The following ADGRE5 variants were observed in gnomAD, a reference collection of about 807,000 sequenced individuals.
ADGRE5 encodes the protein adhesion G protein-coupled receptor E5.
In ADGRE5, 72 loss-of-function variants were observed where a neutral mutation model predicts 100.3. The ratio of observed to expected loss-of-function variants is 0.72; its 90% CI spans 0.59 to 0.87. The LOEUF is 0.87. Ranked by LOEUF, ADGRE5 falls within the 40% of genes least tolerant of loss-of-function variation. ADGRE5 has a pLI of 0.00. For synonymous variants in ADGRE5, 439 were observed against 447.8 expected (o/e 0.98, Z 0.25); for missense variants, 959 against 1,094.7 (o/e 0.88, Z 1.75).
intron 11 of ADGRE5, among the ~76,000 whole-genome samples, chr19:14,402,268 C>G (rs1424002302): frequency 6.6e-6 from 1 of 152,012 alleles, no homozygotes; most frequent in Non-Finnish European, 1.5e-5. Context: ...AACCCCATCT[C>G]TACTAAAAAT....
At chr19:14,387,620 C>T (rs1162752900) in intron 1 of ADGRE5, among the ~76,000 whole-genome samples, 1 of 151,168 alleles carries the variant, frequency 6.6e-6, no homozygotes, top group Admixed American at 6.6e-5. Flanking sequence ...CCCAGCTACT[C>T]GGGAGGCTGA....
chr19:14,408,155 G>A lies in ADGRE5; in HGVS notation c.*34G>A, dbSNP rs2146381770. The A allele has an allele frequency of 6.2e-7, 1 of 1,610,474 alleles. No individual in the cohort carries two copies. The highest frequency in any genetic ancestry group is 8.5e-7 in the Non-Finnish European group (1 of 1,178,652). ...GGTTCTGGACGGCCCAGCAGCTCCT[G>A]TGGCCACAGCAGCTTTGTACACGAA... On this transcript the variant is annotated 3_prime_UTR_variant, in exon 20 of 20. Transcript: ENST00000242786.
In ADGRE5 at chr19:14,396,328, C is replaced by T. The variant is rs1568312796; in HGVS notation, c.347-14C>T. ...CAGCTACGGGCATCCTTCACCCTCT[C>T]CTTCCTCTTGCAGATGTGGACGAAT... On this transcript the variant is annotated splice_polypyrimidine_tract_variant and intron_variant, in intron 4 of 19. Coordinates refer to ENST00000242786, the MANE Select transcript of ADGRE5 (RefSeq NM_078481.4). The T allele has an allele frequency of 1.2e-6, 2 of 1,614,280 alleles. No individual in the cohort carries two copies. The highest frequency in any genetic ancestry group is 1.7e-6 in the Non-Finnish European group (2 of 1,180,052).
At chr19:14,403,520 T>A (rs776367804) in intron 12 of ADGRE5, among the ~76,000 whole-genome samples, 18 of 152,090 alleles carry the variant, frequency 1.2e-4, no homozygotes, top group Admixed American at 1.0e-3. Context: ...TCCCAGCTAA[T>A]TTTTTTATTT....
intron 4 of ADGRE5, among the ~76,000 whole-genome samples, chr19:14,392,515 TA>T (rs1975636424): frequency 6.6e-6 from 1 of 152,178 alleles, no homozygotes; most frequent in Non-Finnish European, 1.5e-5. Flanking sequence ...TGACTTTTGT[TA>T]AATATAGACC....
At position 14,396,518 on chromosome 19, in the gene ADGRE5, G is replaced by C. The variant is rs1483190923; in HGVS notation, c.478+45G>C. On this transcript the variant is annotated intron_variant, in intron 5 of 19. Transcript: ENST00000242786. Reference sequence around the variant, plus strand: ...GCCGTGAGGCTGGACGGGAGCTGGGGATGGAGCTGAGGCACGTCCTCCAAA... The same window carrying C: ...GCCGTGAGGCTGGACGGGAGCTGGGCATGGAGCTGAGGCACGTCCTCCAAA... 1.9e-6 allele frequency: 3 copies of C among 1,612,728 alleles called. No individual in the cohort carries two copies. The East Asian group carries it at 6.7e-5, about 36-fold the overall frequency.
At chr19:14,392,045 A>C (rs996237424) in intron 4 of ADGRE5, among the ~76,000 whole-genome samples, 2 of 147,028 alleles carry the variant, frequency 1.4e-5, no homozygotes, top group African/African-American at 5.0e-5. Context: ...CAGAGGTTGC[A>C]GTGAGCCAAG....
intron 2 of ADGRE5, 97 bp downstream of exon 2, chr19:14,388,597 G>A: frequency 6.2e-7 from 1 of 1,605,844 alleles, no homozygotes; most frequent in East Asian, 2.2e-5. Context: ...GGAAAGAGAG[G>A]GCTCGCGCAC....
chr19:14,386,496 A>G (rs1198385522), intron 1 of ADGRE5: 3 of 149,312 alleles, frequency 2.0e-5, no homozygotes, highest in African/African-American at 7.4e-5. Context: ...CAAGACTACC[A>G]TCCTGGCTAA....
Position 14,408,271 on chromosome 19 carries a change from T to C in ADGRE5, c.*150T>C. 1 of 890,476 alleles carries C rather than the reference T, an allele frequency of 1.1e-6. No homozygotes were observed. The highest frequency in any genetic ancestry group is 1.5e-5 in the South Asian group (1 of 67,534). 55.2% of individuals were successfully genotyped at this position (890,476 alleles called of 1,614,324 possible). A position where few individuals can be genotyped will look rare whatever the true frequency, so the allele number is the denominator to read the frequency against. On this transcript the variant is annotated 3_prime_UTR_variant, in exon 20 of 20. Coordinates refer to ENST00000242786, the MANE Select transcript of ADGRE5 (RefSeq NM_078481.4). ...CACCAGGAGGGAGTGGCAGCTATAG[T>C]CTGGCACCAAAGTCCAGGACACCCA...
intron 1 of ADGRE5, among the ~76,000 whole-genome samples, chr19:14,385,203 GGTTTCACTAT>G (rs1975302884): frequency 6.6e-6 from 1 of 151,494 alleles, no homozygotes; most frequent in Non-Finnish European, 1.5e-5. Context: ...GTAGAGATGG[GGTTTCACTAT>G]GTTGGCCAGG....
At position 14,388,512 on chromosome 19, in the gene ADGRE5, G is replaced by A. The variant is rs768450284; in HGVS notation, c.73+12G>A. On this transcript the variant is annotated intron_variant, in intron 2 of 19. Transcript: ENST00000242786. The stretch of plus-strand genomic sequence containing the variant: ...CCAGGACTCCAGGGGTGAGTCTGCT[G>A]GGAAGCAGAAAGCACAGTCCACAGC... The A allele has an allele frequency of 6.3e-6, 10 of 1,576,884 alleles. No individual in the cohort carries two copies. Among genetic ancestry groups the A allele is most frequent in the East Asian group, 2.3e-5 (1 of 44,104 alleles).
At chr19:14,384,475 G>C (rs1285387554) in intron 1 of ADGRE5, among the ~76,000 whole-genome samples, 1 of 152,150 alleles carries the variant, frequency 6.6e-6, no homozygotes, top group Non-Finnish European at 1.5e-5. Context: ...CCCAGCCGTT[G>C]TCCTGGTCCC....
At chr19:14,393,850 G>T (rs925076471) in intron 4 of ADGRE5, among the ~76,000 whole-genome samples, 2 of 152,128 alleles carry the variant, frequency 1.3e-5, no homozygotes, top group African/African-American at 2.4e-5. Flanking sequence ...CATGTGACTT[G>T]GCCAGAGGAG....
chr19:14,400,990 G>T (rs1247204475), intron 9 of ADGRE5, among the ~76,000 whole-genome samples: 1 of 152,068 alleles, frequency 6.6e-6, no homozygotes, highest in Non-Finnish European at 1.5e-5. Context: ...CGGGTGTGGT[G>T]GCACGCTTCT....
At chr19:14,396,073 A>AGGCTGGGACACAGAT (rs977823535) in intron 4 of ADGRE5, among the ~76,000 whole-genome samples, 10 of 152,190 alleles carry the variant, frequency 6.6e-5, no homozygotes, top group Admixed American at 4.6e-4. Flanking sequence ...CGGAATCCTT[A>AGGCTGGGACACAGAT]GGCTGGGACA....
chr19:14,401,647 C>T lies in ADGRE5; in HGVS notation c.1076-6C>T, dbSNP rs770592573. 1.9e-6 allele frequency: 3 copies of T among 1,601,358 alleles called. No homozygotes were observed. The highest frequency in any genetic ancestry group is 2.2e-5 in the East Asian group (1 of 44,806). On this transcript the variant is annotated splice_polypyrimidine_tract_variant and splice_region_variant and intron_variant, in intron 10 of 19. Transcript: ENST00000242786. This position sits in a 1 kb window ranked among gnomAD's most constrained non-coding sequence, Gnocchi z 4.1. The stretch of plus-strand genomic sequence containing the variant: ...TCCCTAATCACAACTGCCCCTCTCC[C>T]CTCAGAGCTGACCCTGATGATCCAG...
chr19:14,382,901 T>C (rs1269109352), intron 1 of ADGRE5, among the ~76,000 whole-genome samples: 1 of 151,860 alleles, frequency 6.6e-6, no homozygotes, highest in Non-Finnish European at 1.5e-5. Flanking sequence ...TTTTAGTTTT[T>C]GTGTTTGTAT....
rs746258131 is a variant in ADGRE5, at chr19:14,401,596, C to A, written c.1075+33C>A. ...CTTGGCCTGGCCTGCCCTGCCCCAA[C>A]CCTGGGCCCCACCTGGTACCTGGGG... On this transcript the variant is annotated intron_variant, in intron 10 of 19. Transcript: ENST00000242786. The surrounding 1 kb of genome is among the most constrained non-coding windows in gnomAD (Gnocchi z 4.1). 4 of 1,607,706 alleles carry A rather than the reference C, an allele frequency of 2.5e-6. No individual in the cohort carries two copies. The highest frequency in any genetic ancestry group is 3.4e-6 in the Non-Finnish European group (4 of 1,175,658).
Sources: allele counts gnomAD v4.1 joint callset (sites outside exome capture counted in the v4.1 genomes callset), GRCh38; gene constraint gnomAD v4.1.1; non-coding constraint Gnocchi (gnomAD v3.1); transcripts MANE v1.5; gene names NCBI Gene and HGNC (gene_info 2026-07-23, HGNC 2026-07-21).